The following WDR19 variants were observed in gnomAD, a reference collection of about 807,000 sequenced individuals.
The protein encoded by WDR19 is WD repeat domain 19.
Under a neutral mutation model 180.0 loss-of-function variants are expected in WDR19, and 121 were observed. The ratio of observed to expected loss-of-function variants is 0.67; its 90% CI spans 0.58 to 0.78. The LOEUF (loss-of-function observed/expected upper bound fraction) is 0.78, where lower values mean the gene tolerates loss of function less well. Ranked by LOEUF, WDR19 falls within the 30% of genes least tolerant of loss-of-function variation. The pLI, the probability that WDR19 is intolerant of heterozygous loss-of-function variation, is 0.00. For missense variants in WDR19, 1,450 were observed against 1,640.7 expected, an observed-to-expected ratio of 0.88 and a Z score of 2.01; for synonymous variants, 497 against 540.7, an observed-to-expected ratio of 0.92 and a Z score of 1.12.
chr4:39,281,263 A>AGAGAGAG (rs57108177), intron 36 of WDR19, among the ~76,000 whole-genome samples: 9 of 147,234 alleles, frequency 6.1e-5, no homozygotes, highest in African/African-American at 1.3e-4. Context: ...AGAGAGAGAG[A>AGAGAGAG]AAGCCTACTA....
intron 32 of WDR19, chr4:39,274,055 T>C (rs1735658692): frequency 6.6e-6 from 1 of 152,238 alleles, no homozygotes; most frequent in African/African-American, 2.4e-5. Flanking sequence ...CAATAGAGCT[T>C]TATGTTTGGA....
rs1216157427 is a variant in WDR19 at position 39,240,283 on chromosome 4, T to C, written c.2370T>C (p.Asp790=). 2 of 1,399,372 alleles carry C rather than the reference T, an allele frequency of 1.4e-6. No homozygotes were observed. Among genetic ancestry groups the C allele is most frequent in the Admixed American group, 5.9e-5 (2 of 33,826 alleles). The allele number at this position is 1,399,372 out of a possible 1,614,324, so 86.7% of individuals were successfully genotyped here. A position where few individuals can be genotyped will look rare whatever the true frequency, so the allele number is the denominator to read the frequency against. ...EYAIQLEFAG[D]YVNALAHYEK... is the part of the protein sequence containing the mutation. ...ACTCTTATTTTTTTTTCAGGGGTGA[T>C]TATGTAAATGCTTTGGCTCATTATG... The change falls in exon 21 of 37, where the codon GAT becomes GAC. Residue 790 remains aspartate (D), a synonymous_variant. Coordinates refer to ENST00000399820, the MANE Select transcript of WDR19 (RefSeq NM_025132.4).
At chr4:39,245,052 T>C (rs1028970689) in intron 23 of WDR19, among the ~76,000 whole-genome samples, 3 of 150,652 alleles carry the variant, frequency 2.0e-5, no homozygotes, top group Non-Finnish European at 3.0e-5. Flanking sequence ...TTCTCCTGCC[T>C]CAGCCTCCTG....
chr4:39,247,265 T>C (rs1263640530), intron 24 of WDR19, among the ~76,000 whole-genome samples: 1 of 152,084 alleles, frequency 6.6e-6, no homozygotes, highest in Non-Finnish European at 1.5e-5. Flanking sequence ...GGACCTTCAG[T>C]AAACTCCAAC....
At chr4:39,212,477 C>G (rs1728652129) in intron 9 of WDR19, among the ~76,000 whole-genome samples, 1 of 152,092 alleles carries the variant, frequency 6.6e-6, no homozygotes, top group African/African-American at 2.4e-5. Flanking sequence ...AAAACTTTTG[C>G]TTTGTGAAGT....
Position 39,214,627 on chromosome 4 carries a change from T to G in WDR19, c.917T>G (p.Leu306Ter). Residue 306 changes from leucine (L) to a stop codon, truncating the protein, a stop_gained, in exon 10 of 37, where the codon TTA (leucine) becomes TGA (stop). Coordinates refer to ENST00000399820, the MANE Select transcript of WDR19 (RefSeq NM_025132.4). LOFTEE classifies it high-confidence loss of function. ...NCIKIQDLVD[L>*]KDMYVILNLD... ...ATTAAAATCCAAGACTTGGTTGACT[T>G]AAAAGACATGTATGTTATACTCAAC... 6.3e-7 allele frequency: 1 copy of G among 1,580,412 alleles called. No homozygotes were observed. The highest frequency in any genetic ancestry group is 8.6e-7 in the Non-Finnish European group (1 of 1,160,592).
chr4:39,231,001 C>A (rs974952051), intron 17 of WDR19, among the ~76,000 whole-genome samples: 4 of 152,074 alleles, frequency 2.6e-5, no homozygotes, highest in African/African-American at 9.7e-5. Flanking sequence ...AGGAAAGTGG[C>A]CACAGACAAT....
intron 18 of WDR19, 63 bp from the exon 19 acceptor site, chr4:39,232,099 T>TAAAA: frequency 1.5e-6 from 2 of 1,299,540 alleles, no homozygotes; most frequent in Non-Finnish European, 1.1e-6. Context: ...TCAAAGTCCT[T>TAAAA]AAAAAAAAAA....
At chr4:39,224,447 C>T (rs927692654) in intron 14 of WDR19, among the ~76,000 whole-genome samples, 2 of 151,982 alleles carry the variant, frequency 1.3e-5, no homozygotes, top group African/African-American at 4.8e-5. Context: ...ATGGTGCAAT[C>T]TCGGCTCACT....
intron 21 of WDR19, among the ~76,000 whole-genome samples, chr4:39,241,009 G>A (rs1246197595): frequency 3.3e-5 from 5 of 149,852 alleles, no homozygotes; most frequent in Admixed American, 6.7e-5. Flanking sequence ...TTTCCAATCC[G>A]TAAAACTTCA....
At chr4:39,250,967 C>T (rs1266944660) in intron 24 of WDR19, among the ~76,000 whole-genome samples, 3 of 152,198 alleles carry the variant, frequency 2.0e-5, no homozygotes, top group African/African-American at 7.2e-5. Flanking sequence ...CCATCCCCAT[C>T]AAGCTACCAA....
chr4:39,198,173 T>C (rs569158950), intron 5 of WDR19, among the ~76,000 whole-genome samples: 3 of 152,116 alleles, frequency 2.0e-5, no homozygotes, highest in Non-Finnish European at 4.4e-5. Context: ...AGTTAAACAG[T>C]GAATGTTAAA....
At chr4:39,226,230 G>T (rs1175522748) in intron 15 of WDR19, among the ~76,000 whole-genome samples, 1 of 152,144 alleles carries the variant, frequency 6.6e-6, no homozygotes, top group Non-Finnish European at 1.5e-5. Flanking sequence ...AAAGGGTAAG[G>T]AGTAAGGTCA....
intron 12 of WDR19, 21 bp from the exon 13 acceptor site, chr4:39,217,113 G>C (rs758446476): frequency 6.5e-7 from 1 of 1,541,752 alleles, no homozygotes. Flanking sequence ...TTAATGTGTT[G>C]GTTTTTAAAA....
At chr4:39,237,178 C>T (rs1473703363) in intron 20 of WDR19, among the ~76,000 whole-genome samples, 1 of 152,082 alleles carries the variant, frequency 6.6e-6, no homozygotes, top group Non-Finnish European at 1.5e-5. Context: ...AACATTTTTA[C>T]ATAATTCTAC....
intron 10 of WDR19, among the ~76,000 whole-genome samples, chr4:39,215,142 C>T (rs2109324390): frequency 6.6e-6 from 1 of 152,194 alleles, no homozygotes; most frequent in Middle Eastern, 3.4e-3. Flanking sequence ...ATTATGTTGT[C>T]ATACTGCTTG....
chr4:39,217,300 GAT>G, intron 13 of WDR19, 60 bp downstream of exon 13: 1 of 1,314,580 alleles, frequency 7.6e-7, no homozygotes, highest in African/African-American at 1.5e-5. Context: ...CCTAATGTCT[GAT>G]TATCAAGAAT....
At chr4:39,199,417 C>A in intron 5 of WDR19, 61 bp from the exon 6 acceptor site, 3 of 1,248,996 alleles carry the variant, frequency 2.4e-6, no homozygotes, top group Non-Finnish European at 3.4e-6. Flanking sequence ...TTCAGATTGG[C>A]ATCACAGATT....
At chr4:39,248,526 C>G (rs1413631401) in intron 24 of WDR19, among the ~76,000 whole-genome samples, 1 of 152,092 alleles carries the variant, frequency 6.6e-6, no homozygotes, top group Non-Finnish European at 1.5e-5. Context: ...TATAAATGGG[C>G]TAAATGTTCC....
Sources: gnomAD v4.1 joint callset for allele counts (sites outside exome capture counted in the v4.1 genomes callset) on GRCh38, gnomAD v4.1.1 for gene constraint, MANE v1.5 for transcripts, NCBI Gene and HGNC (gene_info 2026-07-23, HGNC 2026-07-21) for gene names.